Variants in RASEF observed in about 807,000 individuals in gnomAD.
RASEF encodes ras and EF-hand domain-containing protein.
A neutral mutation model predicts 90.1 loss-of-function variants in RASEF; 68 were observed. The ratio of observed to expected loss-of-function variants is 0.75; its 90% CI spans 0.62 to 0.92. The LOEUF (loss-of-function observed/expected upper bound fraction) is 0.92. RASEF is among the 40% of genes least tolerant of loss of function. The pLI is 0.00. For missense variants in RASEF, 949 were observed against 937.2 expected (o/e 1.01, Z -0.16); for synonymous variants, 331 against 345.2 (o/e 0.96, Z 0.46).
At chr9:83,097,945 A>G in the RASEF span, among the ~76,000 whole-genome samples, 2 of 152,208 alleles carry the variant, frequency 1.3e-5, no homozygotes, top group Non-Finnish European at 1.5e-5. Flanking sequence ...AGTGCTTACA[A>G]CAGTCCTATA....
chr9:83,054,811 G>T (rs916779532), intron 1 of RASEF: 1 of 150,848 alleles, frequency 6.6e-6, no homozygotes, highest in African/African-American at 2.5e-5. Context: ...GCCGTGTGAG[G>T]TGTCAGTGTG....
the RASEF span, among the ~76,000 whole-genome samples, chr9:83,161,047 C>T: frequency 5.3e-5 from 8 of 152,130 alleles, no homozygotes; most frequent in Non-Finnish European, 7.4e-5. Flanking sequence ...GCGGTGGGGC[C>T]CTCATAGAGA....
intron 14 of RASEF, among the ~76,000 whole-genome samples, chr9:82,995,183 T>C (rs897854318): frequency 1.3e-5 from 2 of 152,274 alleles, no homozygotes; most frequent in Non-Finnish European, 2.9e-5. Context: ...TTGCAAATTA[T>C]GGCAGTGGGC....
the RASEF span, among the ~76,000 whole-genome samples, chr9:83,132,947 A>C: frequency 7.9e-5 from 12 of 152,244 alleles, no homozygotes; most frequent in Non-Finnish European, 1.6e-4. Context: ...TCATACCAGC[A>C]GTATCACAGA....
the RASEF span, among the ~76,000 whole-genome samples, chr9:83,134,631 A>G: frequency 6.6e-6 from 1 of 152,240 alleles, no homozygotes; most frequent in South Asian, 2.1e-4. Flanking sequence ...TAAACAAAAG[A>G]AGAAAGTAAG....
intron 16 of RASEF, among the ~76,000 whole-genome samples, chr9:82,987,321 A>G (rs1378794542): frequency 2.0e-5 from 3 of 152,244 alleles, no homozygotes; most frequent in African/African-American, 7.2e-5. Context: ...GCCAGGCCAT[A>G]ATGCAATAAC....
the RASEF span, among the ~76,000 whole-genome samples, chr9:83,180,417 T>TAA: frequency 6.6e-6 from 1 of 152,006 alleles, no homozygotes; most frequent in Non-Finnish European, 1.5e-5. Context: ...AGCAGTTTTA[T>TAA]TCAAGTCAGT....
the RASEF span, among the ~76,000 whole-genome samples, chr9:83,180,218 AG>A: frequency 6.6e-6 from 1 of 152,176 alleles, no homozygotes; most frequent in African/African-American, 2.4e-5. Flanking sequence ...TGTTTTTAAA[AG>A]GTCACATAAC....
the RASEF span, among the ~76,000 whole-genome samples, chr9:83,071,300 A>T: frequency 1.3e-5 from 2 of 152,202 alleles, no homozygotes; most frequent in African/African-American, 2.4e-5. Flanking sequence ...GAAATTCTCT[A>T]TTCATACATG....
upstream of RASEF, among the ~76,000 whole-genome samples, chr9:83,065,103 C>T (rs533025097): frequency 6.6e-6 from 1 of 152,222 alleles, no homozygotes; most frequent in South Asian, 2.1e-4. Flanking sequence ...AAAAAACACA[C>T]AAATTATTCC....
chr9:83,214,029 G>A, the RASEF span, among the ~76,000 whole-genome samples: 1 of 152,152 alleles, frequency 6.6e-6, no homozygotes, highest in Non-Finnish European at 1.5e-5. Context: ...AGACTGTAGT[G>A]AGCCATGACT....
At chr9:83,154,599 G>T in the RASEF span, among the ~76,000 whole-genome samples, 6 of 152,138 alleles carry the variant, frequency 3.9e-5, no homozygotes, top group African/African-American at 1.4e-4. Context: ...ACACTCAAAA[G>T]TCAGGAACTT....
At chr9:83,038,084 C>T (rs1016593309) in intron 1 of RASEF, among the ~76,000 whole-genome samples, 2 of 151,914 alleles carry the variant, frequency 1.3e-5, no homozygotes, top group Non-Finnish European at 2.9e-5. Flanking sequence ...TTGAGAAGTC[C>T]TATAATTTTG....
the RASEF span, among the ~76,000 whole-genome samples, chr9:83,092,119 GT>G: frequency 7.1e-6 from 1 of 140,718 alleles, no homozygotes. Context: ...ATTTTTTCCA[GT>G]TTTTTAATTG....
At chr9:83,151,674 C>A in the RASEF span, among the ~76,000 whole-genome samples, 4 of 152,148 alleles carry the variant, frequency 2.6e-5, no homozygotes, top group Non-Finnish European at 4.4e-5. Context: ...TTTTTGGCCT[C>A]ATTCTGGGCA....
chr9:83,175,634 G>A, the RASEF span, among the ~76,000 whole-genome samples: 1 of 151,880 alleles, frequency 6.6e-6, no homozygotes, highest in Non-Finnish European at 1.5e-5. Context: ...AGGCTGGAGT[G>A]CAGTGGTGTG....
intron 3 of RASEF, 100 bp from the exon 4 acceptor site, chr9:83,016,000 C>T (rs1460844055): frequency 4.8e-6 from 4 of 827,040 alleles, no homozygotes; most frequent in Admixed American, 2.0e-5. Context: ...TTAAGGCTGA[C>T]TTCAGTTCTC....
At chr9:83,155,800 AT>A in the RASEF span, among the ~76,000 whole-genome samples, 1 of 152,216 alleles carries the variant, frequency 6.6e-6, no homozygotes. Flanking sequence ...TCTCCATTTT[AT>A]CTGTTCACTG....
intron 1 of RASEF, chr9:83,049,276 C>T (rs925147078): frequency 3.0e-6 from 3 of 983,620 alleles, no homozygotes; most frequent in African/African-American, 3.5e-5. Context: ...CACACATTTA[C>T]AAAATCAATG....
Sources: allele counts gnomAD v4.1 joint callset (sites outside exome capture counted in the v4.1 genomes callset), GRCh38; gene constraint gnomAD v4.1.1; transcripts MANE v1.5; gene names NCBI Gene and HGNC (gene_info 2026-07-23, HGNC 2026-07-21).